ASCC3: variants seen among roughly 807,000 people sequenced by gnomAD.
ASCC3 encodes the protein ASC-1 complex subunit P200.
Under a neutral mutation model 256.3 loss-of-function variants are expected in ASCC3, and 158 were observed. The observed-to-expected ratio is 0.62, with a 90% CI of 0.54 to 0.70. The LOEUF is 0.70. Ranked by LOEUF, ASCC3 falls within the 30% of genes least tolerant of loss-of-function variation. ASCC3 has a pLI of 0.00. For synonymous variants in ASCC3, 948 were observed against 883.4 expected (o/e 1.07, Z -1.30); for missense variants, 2,259 against 2,626.0 (o/e 0.86, Z 3.05).
intron 4 of ASCC3, among the ~76,000 whole-genome samples, chr6:100,819,164 G>A (rs547896504): frequency 5.9e-5 from 9 of 151,976 alleles, no homozygotes; most frequent in African/African-American, 2.2e-4. Flanking sequence ...GGAGCCTGTC[G>A]GGGGCTGGGG....
intron 8 of ASCC3, among the ~76,000 whole-genome samples, chr6:100,795,079 G>A (rs774296505): frequency 6.6e-6 from 1 of 152,000 alleles, no homozygotes; most frequent in Non-Finnish European, 1.5e-5. Flanking sequence ...CAGTAAGAAC[G>A]CCATTCACAT....
intron 34 of ASCC3, among the ~76,000 whole-genome samples, chr6:100,590,866 A>T (rs2114774319): frequency 6.6e-6 from 1 of 152,254 alleles, no homozygotes; most frequent in South Asian, 2.1e-4. Flanking sequence ...TTATAAAAAA[A>T]TTATTTAAAA....
At chr6:100,610,455 G>C (rs953072360) in intron 30 of ASCC3, among the ~76,000 whole-genome samples, 3 of 151,524 alleles carry the variant, frequency 2.0e-5, no homozygotes, top group Non-Finnish European at 4.4e-5. Context: ...TTTTAATGTG[G>C]AAGCAAGCTG....
chr6:100,840,386 G>A (rs1772080444), intron 4 of ASCC3, among the ~76,000 whole-genome samples: 1 of 151,838 alleles, frequency 6.6e-6, no homozygotes, highest in Non-Finnish European at 1.5e-5. Flanking sequence ...GGAGGGCAGT[G>A]GCATGGTCAT....
rs143142741 is a variant in ASCC3, at chr6:100,527,190, T to C, written c.5776-9048A>G. Among the ~76,000 whole-genome samples the C allele has an allele frequency of 3.2e-3, 491 of 152,320 alleles. 3 individuals carry two copies. The highest frequency in any genetic ancestry group is 0.011 in the African/African-American group (468 of 41,580). ...CCCCAATGTATGCTTATAGTATTAA[T>C]GCTCATAGTTCCTTGAAACATATCC... On this transcript the variant is annotated intron_variant, in intron 37 of 41. Coordinates refer to ENST00000369162, the MANE Select transcript of ASCC3 (RefSeq NM_006828.4).
chr6:100,811,471 G>A (rs1019175563), intron 4 of ASCC3, among the ~76,000 whole-genome samples: 2 of 151,944 alleles, frequency 1.3e-5, no homozygotes, highest in African/African-American at 2.4e-5. Flanking sequence ...CATACTATAA[G>A]TGAAGTGATT....
At chr6:100,517,703 T>C (rs577261062) in intron 38 of ASCC3, among the ~76,000 whole-genome samples, 57 of 152,270 alleles carry the variant, frequency 3.7e-4, no homozygotes, top group African/African-American at 1.4e-3. Flanking sequence ...TAAATGAAGA[T>C]TGATATTATA....
At chr6:100,611,867 A>G (rs963200062) in intron 30 of ASCC3, among the ~76,000 whole-genome samples, 1 of 45,152 alleles carries the variant, frequency 2.2e-5, no homozygotes, top group African/African-American at 5.7e-5. Flanking sequence ...CTATAGAATT[A>G]AAAAAAAAAA....
At chr6:100,590,480 T>C (rs1771949312) in intron 34 of ASCC3, among the ~76,000 whole-genome samples, 2 of 152,152 alleles carry the variant, frequency 1.3e-5, no homozygotes, top group Admixed American at 1.3e-4. Context: ...GATCTGTGCC[T>C]GGAAACAGAT....
intron 13 of ASCC3, among the ~76,000 whole-genome samples, chr6:100,690,173 A>G (rs1777777173): frequency 6.6e-6 from 1 of 152,174 alleles, no homozygotes; most frequent in Non-Finnish European, 1.5e-5. Flanking sequence ...ATCCTTCTGT[A>G]TACTTTATAT....
At chr6:100,613,861 AAAT>A (rs1352111631) in intron 30 of ASCC3, among the ~76,000 whole-genome samples, 1 of 152,140 alleles carries the variant, frequency 6.6e-6, no homozygotes, top group Non-Finnish European at 1.5e-5. Flanking sequence ...GACTGGGGTA[AAAT>A]AATATCTCAT....
intron 10 of ASCC3, among the ~76,000 whole-genome samples, chr6:100,730,865 C>T (rs181017768): frequency 1.3e-5 from 2 of 152,162 alleles, no homozygotes; most frequent in Non-Finnish European, 2.9e-5. Flanking sequence ...TTCACATGCA[C>T]GAATGCACGC....
intron 25 of ASCC3, among the ~76,000 whole-genome samples, chr6:100,634,082 T>C (rs1269249107): frequency 1.3e-5 from 2 of 152,194 alleles, no homozygotes; most frequent in Non-Finnish European, 1.5e-5. Context: ...AGTATTGCAC[T>C]ACTATACCAT....
chr6:100,747,824 A>G (rs773407943), intron 10 of ASCC3, among the ~76,000 whole-genome samples: 2 of 152,012 alleles, frequency 1.3e-5, no homozygotes. Context: ...TAAAATGTAT[A>G]TTTTGTGCAC....
chr6:100,753,103 T>C (rs545594431), intron 10 of ASCC3, among the ~76,000 whole-genome samples: 1 of 152,052 alleles, frequency 6.6e-6, no homozygotes, highest in African/African-American at 2.4e-5. Context: ...CTCTTACCAA[T>C]CAAAAACTTT....
At chr6:100,586,527 T>C (rs561766632) in intron 36 of ASCC3, among the ~76,000 whole-genome samples, 8 of 152,258 alleles carry the variant, frequency 5.3e-5, no homozygotes, top group Admixed American at 3.9e-4. Context: ...CCTGACCCCT[T>C]GTGCTTCCTG....
At chr6:100,593,464 A>G (rs567744802) in intron 34 of ASCC3, among the ~76,000 whole-genome samples, 2 of 152,132 alleles carry the variant, frequency 1.3e-5, no homozygotes, top group Non-Finnish European at 1.5e-5. Context: ...TGAAATCTCA[A>G]GTTACTTTTT....
intron 30 of ASCC3, among the ~76,000 whole-genome samples, chr6:100,610,081 G>A (rs1397925409): frequency 6.6e-6 from 1 of 152,102 alleles, no homozygotes; most frequent in African/African-American, 2.4e-5. Context: ...CTGAAAAGAA[G>A]GATACATCTC....
intron 14 of ASCC3, among the ~76,000 whole-genome samples, chr6:100,664,455 C>T (rs1180966405): frequency 6.6e-6 from 1 of 151,920 alleles, no homozygotes; most frequent in East Asian, 1.9e-4. Context: ...ACAAACCACA[C>T]CATCTAGTGG....
Sources: allele counts gnomAD v4.1 joint callset (sites outside exome capture counted in the v4.1 genomes callset), GRCh38; gene constraint gnomAD v4.1.1; transcripts MANE v1.5; gene names NCBI Gene and HGNC (gene_info 2026-07-23, HGNC 2026-07-21).